Variants in KHDC1 observed in about 807,000 individuals in gnomAD.
KHDC1 encodes KH domain containing 1, also known as KH homology domain-containing protein 1.
Under a neutral mutation model 24.7 loss-of-function variants are expected in KHDC1, and 21 were observed. The observed-to-expected ratio is 0.85, with a 90% CI of 0.60 to 1.23. The LOEUF is 1.23. Ranked by LOEUF, KHDC1 falls within the 50% of genes most tolerant of loss-of-function variation. The pLI is 0.00. For synonymous variants in KHDC1, 98 were observed against 111.7 expected (o/e 0.88, Z 0.77); for missense variants, 274 against 298.5 (o/e 0.92, Z 0.61).
Position 73,304,493 on chromosome 6 carries a change from G to A in KHDC1, c.163+5059C>T, listed in dbSNP as rs574525369. Reference sequence around the variant, plus strand: ...TATAAATATATGTAATAGAGGCGGGGTCTCACTATGTTGCCCAGGCTGGTC... The same window carrying A: ...TATAAATATATGTAATAGAGGCGGGATCTCACTATGTTGCCCAGGCTGGTC... On this transcript the variant is annotated intron_variant, in intron 1 of 4. Transcript: ENST00000370384. Among the ~76,000 whole-genome samples, 125 of 152,086 alleles carry A rather than the reference G, an allele frequency of 8.2e-4. 1 individual carries two copies. The highest frequency in any genetic ancestry group is 6.2e-3 in the Admixed American group (94 of 15,254).
At chr6:73,302,174 G>A (rs1767888962) in intron 1 of KHDC1, among the ~76,000 whole-genome samples, 1 of 151,910 alleles carries the variant, frequency 6.6e-6, no homozygotes. Flanking sequence ...CTGTAATCCC[G>A]GCTACTCAGG....
chr6:73,289,357 AAAG>A (rs1582581188), intron 2 of KHDC1, among the ~76,000 whole-genome samples: 3 of 149,306 alleles, frequency 2.0e-5, no homozygotes, highest in South Asian at 4.3e-4. Flanking sequence ...AAAAAAAAAA[AAAG>A]AATAAAATCT....
rs116554175 is a variant in KHDC1, at chr6:73,291,963, T to A, written c.206+35A>T. The A allele has an allele frequency of 2.1e-4, 340 of 1,611,888 alleles. 2 individuals carry two copies. The African/African-American group carries it at 4.1e-3, about 19-fold the overall frequency. On this transcript the variant is annotated intron_variant, in intron 2 of 4. Coordinates refer to ENST00000370384, the Ensembl canonical transcript of KHDC1. ...CACAGACTCCCTTTTTTTGGTAAGA[T>A]GGCGGGGTACGACTTAACTACTCGC...
chr6:73,283,969 G>A lies in KHDC1; in HGVS notation c.206+8029C>T, dbSNP rs144234710. 1.6e-3 allele frequency among the ~76,000 whole-genome samples: 250 copies of A among 151,980 alleles called. 4 individuals carry two copies. The highest frequency in any genetic ancestry group is 0.012 in the Admixed American group (190 of 15,236). ...CCACCTTTGCAAAGATTATGACACC[G>A]AGAGAAGTCTAGCATGGCTGACCCC... On this transcript the variant is annotated intron_variant, in intron 2 of 4. Coordinates refer to ENST00000370384, the Ensembl canonical transcript of KHDC1.
chr6:73,249,368 T>G (rs890824058), intron 2 of KHDC1, among the ~76,000 whole-genome samples: 1 of 152,186 alleles, frequency 6.6e-6, no homozygotes, highest in African/African-American at 2.4e-5. Context: ...GGCTGCCAGC[T>G]AGGGCCAGCT....
At chr6:73,257,032 C>A (rs1010973427) in intron 2 of KHDC1, among the ~76,000 whole-genome samples, 3 of 152,144 alleles carry the variant, frequency 2.0e-5, no homozygotes, top group African/African-American at 7.2e-5. Context: ...GTGGCTCAAA[C>A]CTGTAATCCT....
chr6:73,287,474 T>C (rs1248757980), intron 2 of KHDC1, among the ~76,000 whole-genome samples: 1 of 152,208 alleles, frequency 6.6e-6, no homozygotes, highest in Admixed American at 6.5e-5. Context: ...GCTAGATGAT[T>C]AGGCTGGAAG....
At chr6:73,241,425 C>G in exon 5 of KHDC1, 1 of 1,081,092 alleles carries the variant, frequency 9.2e-7, no homozygotes, top group Middle Eastern at 3.0e-4. Context: ...CAGGTCCCGG[C>G]CACAAGTTCA....
At chr6:73,271,276 C>G (rs1038354900) in intron 2 of KHDC1, among the ~76,000 whole-genome samples, 4 of 151,812 alleles carry the variant, frequency 2.6e-5, no homozygotes, top group African/African-American at 9.7e-5. Context: ...GGCACAATCT[C>G]AGCTCACTGC....
At chr6:73,270,815 C>T (rs1285692063) in intron 2 of KHDC1, among the ~76,000 whole-genome samples, 4 of 151,910 alleles carry the variant, frequency 2.6e-5, no homozygotes, top group African/African-American at 4.8e-5. Flanking sequence ...CTCAGCCTCC[C>T]GAGTAGCTGG....
rs373218645 is a variant in KHDC1, at chr6:73,280,575, C to T, written c.206+11423G>A. ...CACTCTTGTTGCCCAGGCTGGAGTA[C>T]AATGGCATAATCTCGGCTCACCGCA... On this transcript the variant is annotated intron_variant, in intron 2 of 4. Coordinates refer to ENST00000370384, the Ensembl canonical transcript of KHDC1. 2.9e-5 allele frequency among the ~76,000 whole-genome samples: 4 copies of T among 139,408 alleles called. No individual in the cohort carries two copies. In the East Asian group the frequency reaches 8.7e-4, roughly 30 times the overall value. 91.5% of individuals were successfully genotyped at this position (139,408 alleles called of 152,430 possible).
intron 2 of KHDC1, among the ~76,000 whole-genome samples, chr6:73,248,836 C>T (rs763480811): frequency 6.6e-6 from 1 of 151,068 alleles, no homozygotes; most frequent in East Asian, 1.9e-4. Flanking sequence ...TTTGGTATTG[C>T]GTATCAGTGT....
At chr6:73,246,556 C>T (rs1766668856) in intron 2 of KHDC1, among the ~76,000 whole-genome samples, 1 of 152,068 alleles carries the variant, frequency 6.6e-6, no homozygotes, top group Admixed American at 6.6e-5. Context: ...GGGACTTTAC[C>T]CCATTAAAGT....
intron 1 of KHDC1, among the ~76,000 whole-genome samples, chr6:73,295,366 C>T (rs755160202): frequency 7.2e-5 from 11 of 152,168 alleles, no homozygotes; most frequent in Non-Finnish European, 1.3e-4. Flanking sequence ...ATAAATTACC[C>T]AATCTCAGGT....
chr6:73,251,824 G>A (rs1267478127), intron 2 of KHDC1, among the ~76,000 whole-genome samples: 5 of 148,102 alleles, frequency 3.4e-5, no homozygotes, highest in Non-Finnish European at 7.4e-5. Flanking sequence ...ATGAGACAGG[G>A]TGTCGTTTTG....
At chr6:73,279,768 CAG>C (rs1406502604) in intron 2 of KHDC1, among the ~76,000 whole-genome samples, 1 of 151,946 alleles carries the variant, frequency 6.6e-6, no homozygotes, top group Non-Finnish European at 1.5e-5. Flanking sequence ...TTCGTAGAGA[CAG>C]AGTTTTGCTG....
At chr6:73,303,318 A>C (rs1204567867) in intron 1 of KHDC1, among the ~76,000 whole-genome samples, 6 of 152,120 alleles carry the variant, frequency 3.9e-5, no homozygotes, top group Admixed American at 3.9e-4. Context: ...GAAGGTTCCC[A>C]TTGATAAATG....
chr6:73,299,405 G>A (rs16883559), intron 1 of KHDC1: 12,755 of 152,338 alleles, frequency 0.084, 574 homozygotes, highest in East Asian at 0.18. Flanking sequence ...GAGACAGCGC[G>A]GTTCACATTC....
chr6:73,263,620 G>T (rs981247295), intron 2 of KHDC1, among the ~76,000 whole-genome samples: 18 of 151,580 alleles, frequency 1.2e-4, no homozygotes, highest in Non-Finnish European at 2.5e-4. Flanking sequence ...GTGGGGGGGG[G>T]GGTGACCCAG....
Sources: gnomAD v4.1 joint callset for allele counts (sites outside exome capture counted in the v4.1 genomes callset) on GRCh38, gnomAD v4.1.1 for gene constraint, MANE v1.5 for transcripts, NCBI Gene and HGNC (gene_info 2026-07-23, HGNC 2026-07-21) for gene names.